The following ELL variants were observed in gnomAD, a reference collection of about 807,000 sequenced individuals.
ELL encodes RNA polymerase II elongation factor ELL.
ELL carries 18 observed loss-of-function variants against 64.0 expected under a neutral mutation model. The observed-to-expected ratio is 0.28, with a 90% CI of 0.19 to 0.42. ELL has a LOEUF of 0.42. Among genes scored for constraint, ELL ranks in the 10% least tolerant of loss-of-function variants. ELL has a pLI of 1.00. For synonymous variants in ELL, 399 were observed against 376.2 expected (o/e 1.06, Z -0.70); for missense variants, 797 against 870.4 (o/e 0.92, Z 1.06).
At chr19:18,503,531 C>T (rs922247175) in intron 1 of ELL, among the ~76,000 whole-genome samples, 1 of 152,132 alleles carries the variant, frequency 6.6e-6, no homozygotes, top group Non-Finnish European at 1.5e-5. Context: ...CCTCCTCACC[C>T]GGCCCCACCA....
chr19:18,515,624 C>T (rs899521889), intron 1 of ELL, among the ~76,000 whole-genome samples: 3 of 152,244 alleles, frequency 2.0e-5, no homozygotes, highest in Non-Finnish European at 2.9e-5. Flanking sequence ...GTGCCCATCA[C>T]CTTTCCACTT....
intron 1 of ELL, among the ~76,000 whole-genome samples, chr19:18,484,399 A>G (rs1221092887): frequency 6.6e-6 from 1 of 152,134 alleles, no homozygotes; most frequent in Non-Finnish European, 1.5e-5. Context: ...TGGGAGGGGG[A>G]GGTTGCAGTG....
chr19:18,475,351 C>G (rs1191987731), intron 1 of ELL, among the ~76,000 whole-genome samples: 1 of 152,168 alleles, frequency 6.6e-6, no homozygotes, highest in Non-Finnish European at 1.5e-5. Context: ...CTAAAAGAAG[C>G]TGACAAGAGC....
In ELL at chr19:18,461,700, G is replaced by T; in HGVS notation, c.622C>A (p.Arg208Ser). 1.2e-6 allele frequency: 2 copies of T among 1,613,620 alleles called. No homozygotes were observed. The highest frequency in any genetic ancestry group is 1.3e-5 in the African/African-American group (1 of 75,074). ...GCCAGGAGGTGCAGCACTCGGTCAC[G>T]GAAGGGCCTCTGGGACACCCCGCTG... is the stretch of plus-strand genomic sequence containing the variant. ...GGSGVSQRPF[R>S]DRVLHLLALR... Residue 208 changes from arginine (R) to serine (S), a missense_variant, in exon 5 of 12, where the codon CGT (arginine) becomes AGT (serine). Coordinates refer to ENST00000262809, the MANE Select transcript of ELL (RefSeq NM_006532.4).
intron 1 of ELL, among the ~76,000 whole-genome samples, chr19:18,518,085 T>G (rs2144984149): frequency 6.6e-6 from 1 of 151,848 alleles, no homozygotes; most frequent in East Asian, 1.9e-4. Context: ...TAGGGCATGG[T>G]GGTGCATGCC....
chr19:18,505,922 T>G (rs1975876904), intron 1 of ELL, among the ~76,000 whole-genome samples: 1 of 152,078 alleles, frequency 6.6e-6, no homozygotes, highest in Non-Finnish European at 1.5e-5. Context: ...CACTGTACAG[T>G]CAGGTACCCC....
chr19:18,449,329 T>TC lies in ELL; in HGVS notation c.1465+1147dup, dbSNP rs1241399192. The stretch of plus-strand genomic sequence containing the variant: ...GTGGGGTGTGGGTGTGTCCTGGGAA[T>TC]CAGGAGTCCTGCCCTGAGCATGGCC... On this transcript the variant is annotated intron_variant, in intron 8 of 11. Coordinates refer to ENST00000262809, the MANE Select transcript of ELL (RefSeq NM_006532.4). This position sits in a 1 kb window ranked among gnomAD's most constrained non-coding sequence, Gnocchi z 4.4. 2.6e-5 allele frequency among the ~76,000 whole-genome samples: 4 copies of TC among 151,962 alleles called. No individual in the cohort carries two copies. The highest frequency in any genetic ancestry group is 9.7e-5 in the African/African-American group (4 of 41,366).
At chr19:18,465,773 C>T (rs1012881893) in intron 3 of ELL, 24 bp downstream of exon 3, 103 of 1,423,202 alleles carry the variant, frequency 7.2e-5, no homozygotes, top group Non-Finnish European at 9.4e-5. Flanking sequence ...CGGCGGGGTG[C>T]TCTGGGGTGG....
chr19:18,511,860 T>TAA (rs752422860), intron 1 of ELL, among the ~76,000 whole-genome samples: 1 of 132,464 alleles, frequency 7.5e-6, no homozygotes, highest in Non-Finnish European at 1.7e-5. Context: ...CTCTACAAAT[T>TAA]AAAAAAAAAA....
chr19:18,471,148 A>T, intron 2 of ELL: 1 of 373,444 alleles, frequency 2.7e-6, no homozygotes, highest in Non-Finnish European at 5.2e-6. Flanking sequence ...CAAGGTGGGA[A>T]GATCATTTGA....
intron 1 of ELL, among the ~76,000 whole-genome samples, chr19:18,506,752 A>T (rs1975891557): frequency 6.6e-6 from 1 of 152,160 alleles, no homozygotes; most frequent in South Asian, 2.1e-4. Context: ...TCCGTTCAAC[A>T]GCATGTGAAC....
At chr19:18,461,527 G>T in intron 5 of ELL, 51 bp downstream of exon 5, 1 of 1,551,716 alleles carries the variant, frequency 6.4e-7, no homozygotes, top group South Asian at 1.2e-5. Flanking sequence ...ACCCGCACAA[G>T]ACCATCTGCG....
intron 4 of ELL, among the ~76,000 whole-genome samples, chr19:18,464,233 G>A (rs911132675): frequency 1.4e-4 from 21 of 152,146 alleles, no homozygotes; most frequent in Non-Finnish European, 2.6e-4. Flanking sequence ...GCCATGTGTG[G>A]TGGCACACAC....
chr19:18,471,240 T>C, intron 2 of ELL: 1 of 360,494 alleles, frequency 2.8e-6, no homozygotes, highest in South Asian at 2.1e-5. Context: ...CCTAGCATGG[T>C]AGTGTACACC....
Position 18,505,328 on chromosome 19 carries a change from A to G in ELL, c.135+16593T>C, listed in dbSNP as rs543869075. Among the ~76,000 whole-genome samples the G allele has an allele frequency of 3.3e-5, 5 of 152,244 alleles. No homozygotes were observed. The South Asian group carries it at 1.0e-3, about 32-fold the overall frequency. On this transcript the variant is annotated intron_variant, in intron 1 of 11. Coordinates refer to ENST00000262809, the MANE Select transcript of ELL (RefSeq NM_006532.4). ...TAGCTTTTGCTATTCTTCTCTACTC[A>G]ATTCTTCATCCTAAGGATGCTGTGG...
At chr19:18,514,841 G>C (rs963946098) in intron 1 of ELL, among the ~76,000 whole-genome samples, 1 of 152,200 alleles carries the variant, frequency 6.6e-6, no homozygotes, top group Non-Finnish European at 1.5e-5. Context: ...CTTAAACAAG[G>C]CTGATGCCCC....
At chr19:18,460,460 C>T (rs1357768828) in intron 5 of ELL, among the ~76,000 whole-genome samples, 1 of 152,212 alleles carries the variant, frequency 6.6e-6, no homozygotes, top group Non-Finnish European at 1.5e-5. Context: ...GCACAGACAC[C>T]TCCTGGCCAG....
intron 1 of ELL, among the ~76,000 whole-genome samples, chr19:18,485,317 T>C (rs1975386463): frequency 6.6e-6 from 1 of 152,154 alleles, no homozygotes; most frequent in Admixed American, 6.5e-5. Context: ...TGTCAGTCTG[T>C]AGGGCCACCT....
chr19:18,502,449 G>A (rs2144966277), intron 1 of ELL, among the ~76,000 whole-genome samples: 1 of 152,318 alleles, frequency 6.6e-6, no homozygotes, highest in South Asian at 2.1e-4. Context: ...CCAGAACCCA[G>A]CAGTGAGCTC....
Sources: gnomAD v4.1 joint callset for allele counts (sites outside exome capture counted in the v4.1 genomes callset) on GRCh38, gnomAD v4.1.1 for gene constraint, Gnocchi (gnomAD v3.1) non-coding constraint, MANE v1.5 for transcripts, NCBI Gene and HGNC (gene_info 2026-07-23, HGNC 2026-07-21) for gene names.